The following AMOTL1 variants were observed in gnomAD, a reference collection of about 807,000 sequenced individuals.
AMOTL1 encodes angiomotin like 1.
Under a neutral mutation model 102.9 loss-of-function variants are expected in AMOTL1, and 45 were observed. That is an observed-to-expected ratio of 0.44 (90% CI 0.34 to 0.56). AMOTL1 has a LOEUF of 0.56. Ranked by LOEUF, AMOTL1 falls within the 20% of genes least tolerant of loss-of-function variation. AMOTL1 has a pLI of 0.01. For synonymous variants in AMOTL1, 481 were observed against 484.7 expected (o/e 0.99, Z 0.10); for missense variants, 1,114 against 1,225.6 (o/e 0.91, Z 1.36).
At chr11:94,815,878 C>A (rs1222588344) in intron 3 of AMOTL1, among the ~76,000 whole-genome samples, 1 of 151,880 alleles carries the variant, frequency 6.6e-6, no homozygotes, top group Non-Finnish European at 1.5e-5. Flanking sequence ...ACCAGAAAGT[C>A]CACGTATGCC....
chr11:94,760,072 C>G (rs1169222909), intron 3 of AMOTL1, among the ~76,000 whole-genome samples: 1 of 152,238 alleles, frequency 6.6e-6, no homozygotes, highest in East Asian at 1.9e-4. Flanking sequence ...GATACTGATA[C>G]AGCTAAAGTT....
In AMOTL1 at chr11:94,875,846, C is replaced by T. The variant is rs1312271586; in HGVS notation, c.*5051C>T. On this transcript the variant is annotated 3_prime_UTR_variant, in exon 13 of 13. Transcript: ENST00000433060. The stretch of plus-strand genomic sequence containing the variant: ...ACACAGATTTTTAAAAATCAATTCT[C>T]TTGCCATGCCTCCTATGTGTTCACA... The T allele has an allele frequency of 6.6e-6, 1 of 152,246 alleles. No individual in the cohort carries two copies. The highest frequency in any genetic ancestry group is 1.9e-4 in the East Asian group (1 of 5,196). 9.4% of individuals were successfully genotyped at this position (152,246 alleles called of 1,614,324 possible).
chr11:94,803,758 G>A (rs1435481092), intron 3 of AMOTL1, among the ~76,000 whole-genome samples: 2 of 152,196 alleles, frequency 1.3e-5, no homozygotes, highest in Non-Finnish European at 2.9e-5. Flanking sequence ...TATCAAAGCA[G>A]TTTGGAGTAT....
intron 3 of AMOTL1, among the ~76,000 whole-genome samples, chr11:94,811,772 A>G (rs1951687585): frequency 6.6e-6 from 1 of 152,218 alleles, no homozygotes; most frequent in Non-Finnish European, 1.5e-5. Flanking sequence ...CTTTAAAGTT[A>G]AGGAGAAATT....
chr11:94,791,954 C>G (rs1246082206), intron 1 of AMOTL1, among the ~76,000 whole-genome samples: 1 of 152,138 alleles, frequency 6.6e-6, no homozygotes, highest in African/African-American at 2.4e-5. Context: ...GAACTGCGAC[C>G]TCTGTTAAAT....
intron 2 of AMOTL1, chr11:94,729,146 G>A (rs1420899596): frequency 8.6e-6 from 8 of 924,978 alleles, no homozygotes; most frequent in Admixed American, 5.4e-5. Flanking sequence ...ACGTGCCCAC[G>A]CTGTTTGTCT....
In AMOTL1 at chr11:94,799,575, G is replaced by T; in HGVS notation, c.385G>T (p.Ala129Ser). 1.9e-6 allele frequency: 3 copies of T among 1,613,696 alleles called. No individual in the cohort carries two copies. Among genetic ancestry groups the T allele is most frequent in the East Asian group, 2.2e-5 (1 of 44,862 alleles). ...CATTCAGCACCAGGCCACAGGGAGT[G>T]CAGGACCAGCCCATCCTACAAACAA... ...LAIQHQATGS[A>S]GPAHPTNNFS... is the part of the protein sequence containing the mutation. Residue 129 changes from alanine (A) to serine (S), a missense_variant, in exon 3 of 13, where the codon GCA becomes TCA. Coordinates refer to ENST00000433060, the MANE Select transcript of AMOTL1 (RefSeq NM_130847.3). This position sits in a 1 kb window ranked among gnomAD's most constrained non-coding sequence, Gnocchi z 4.5.
rs1953056381 is a variant in AMOTL1, at chr11:94,874,216, A to T, written c.*3421A>T. 1 of 152,278 alleles carries T rather than the reference A, an allele frequency of 6.6e-6. No homozygotes were observed. The highest frequency in any genetic ancestry group is 6.5e-5 in the Admixed American group (1 of 15,292). The allele number at this position is 152,278 out of a possible 1,614,324, so 9.4% of individuals were successfully genotyped here. A position where few individuals can be genotyped will look rare whatever the true frequency, so the allele number is the denominator to read the frequency against. ...GTACATGAGAACTATTACTGTCTGC[A>T]GGTCCATATAGCTAAGCTGCCAGGA... On this transcript the variant is annotated 3_prime_UTR_variant, in exon 13 of 13. Transcript: ENST00000433060.
chr11:94,858,284 T>C (rs1490438022), intron 8 of AMOTL1, among the ~76,000 whole-genome samples: 1 of 152,204 alleles, frequency 6.6e-6, no homozygotes, highest in Admixed American at 6.5e-5. Context: ...AGGACAGGTA[T>C]GCCCTTCTGC....
chr11:94,767,045 C>G (rs991108157), upstream of AMOTL1, among the ~76,000 whole-genome samples: 3 of 152,124 alleles, frequency 2.0e-5, no homozygotes, highest in African/African-American at 2.4e-5. Context: ...CCCTCCCAGG[C>G]TTTTCCTTCT....
At chr11:94,709,363 G>GA (rs57875615) in intron 1 of AMOTL1, among the ~76,000 whole-genome samples, 121,699 of 150,364 alleles carry the variant, frequency 0.81, 51,309 homozygotes, top group Non-Finnish European at 0.93. Flanking sequence ...GCTCTCTGGA[G>GA]AAAAAAAAAA....
At chr11:94,808,296 T>C (rs1039780182) in intron 3 of AMOTL1, among the ~76,000 whole-genome samples, 1 of 152,138 alleles carries the variant, frequency 6.6e-6, no homozygotes, top group Non-Finnish European at 1.5e-5. Flanking sequence ...CTCTCACATG[T>C]AAATTGTGTA....
In AMOTL1 at chr11:94,803,281, C is replaced by T. The variant is rs577895933; in HGVS notation, c.1121+2970C>T. Among the ~76,000 whole-genome samples, 6 of 152,324 alleles carry T rather than the reference C, an allele frequency of 3.9e-5. No individual in the cohort carries two copies. The East Asian group carries it at 7.7e-4, about 20-fold the overall frequency. ...ACAAATTCTCTCACCTGCTCTGATG[C>T]GCCCTAAAGATGGAGATGTCTGGTA... On this transcript the variant is annotated intron_variant, in intron 3 of 12. Transcript: ENST00000433060.
At chr11:94,807,204 A>G (rs1166418861) in intron 3 of AMOTL1, among the ~76,000 whole-genome samples, 2 of 152,226 alleles carry the variant, frequency 1.3e-5, no homozygotes, top group African/African-American at 2.4e-5. Flanking sequence ...CAGAGATACC[A>G]TTGTTAAACC....
chr11:94,822,611 A>G (rs1233631264), intron 4 of AMOTL1, among the ~76,000 whole-genome samples: 6 of 152,274 alleles, frequency 3.9e-5, no homozygotes, highest in African/African-American at 7.2e-5. Context: ...TGCTTTCTGC[A>G]TGTTTGTGAC....
At chr11:94,786,646 G>A (rs1468403903) in intron 1 of AMOTL1, among the ~76,000 whole-genome samples, 1 of 151,920 alleles carries the variant, frequency 6.6e-6, no homozygotes, top group Non-Finnish European at 1.5e-5. Flanking sequence ...CTAACATTAT[G>A]TACAAAGCCT....
chr11:94,868,764 G>A (rs1158708008), intron 11 of AMOTL1, among the ~76,000 whole-genome samples: 3 of 152,088 alleles, frequency 2.0e-5, no homozygotes, highest in Non-Finnish European at 4.4e-5. Context: ...CAGCCCTTCT[G>A]GGCCACGTTG....
At chr11:94,770,177 A>G (rs1369769320) in intron 1 of AMOTL1, among the ~76,000 whole-genome samples, 1 of 152,184 alleles carries the variant, frequency 6.6e-6, no homozygotes, top group East Asian at 1.9e-4. Flanking sequence ...GTTAACGATT[A>G]AGGAGCTCTC....
At chr11:94,742,360 C>A (rs551795080) in intron 3 of AMOTL1, among the ~76,000 whole-genome samples, 1 of 152,196 alleles carries the variant, frequency 6.6e-6, no homozygotes, top group East Asian at 1.9e-4. Flanking sequence ...CACAGTGCGA[C>A]GAAGCCATTT....
Sources: gnomAD v4.1 joint callset for allele counts (sites outside exome capture counted in the v4.1 genomes callset) on GRCh38, gnomAD v4.1.1 for gene constraint, Gnocchi (gnomAD v3.1) non-coding constraint, MANE v1.5 for transcripts, NCBI Gene and HGNC (gene_info 2026-07-23, HGNC 2026-07-21) for gene names.